Variants in NCOA2 observed in about 807,000 individuals in gnomAD.
The protein encoded by NCOA2 is nuclear receptor coactivator 2.
Under a neutral mutation model 145.1 loss-of-function variants are expected in NCOA2, and 21 were observed. The ratio of observed to expected loss-of-function variants is 0.14; its 90% CI spans 0.10 to 0.21. The LOEUF is 0.21. Among genes scored for constraint, NCOA2 ranks in the 10% least tolerant of loss-of-function variants. The pLI, the probability that NCOA2 is intolerant of heterozygous loss-of-function variation, is 1.00. For synonymous variants in NCOA2, 619 were observed against 637.5 expected (o/e 0.97, Z 0.44); for missense variants, 1,472 against 1,837.6 (o/e 0.80, Z 3.64).
At chr8:70,335,141 A>ATT (rs1807462926) in intron 1 of NCOA2, among the ~76,000 whole-genome samples, 1 of 148,494 alleles carries the variant, frequency 6.7e-6, no homozygotes, top group Non-Finnish European at 1.5e-5. Flanking sequence ...AAAAAAAAAA[A>ATT]AAAAAAAAAA....
intron 16 of NCOA2, among the ~76,000 whole-genome samples, chr8:70,131,449 G>A (rs1157162496): frequency 6.6e-6 from 1 of 152,164 alleles, no homozygotes; most frequent in Non-Finnish European, 1.5e-5. Flanking sequence ...AATGAATACT[G>A]GGGTCACGAC....
intron 1 of NCOA2, among the ~76,000 whole-genome samples, chr8:70,395,868 A>C (rs1274772981): frequency 3.3e-5 from 5 of 152,256 alleles, no homozygotes; most frequent in Non-Finnish European, 5.9e-5. Context: ...AATGAATAAT[A>C]GAAAATACCG....
At chr8:70,192,508 A>C (rs1332936457) in intron 4 of NCOA2, among the ~76,000 whole-genome samples, 2 of 152,136 alleles carry the variant, frequency 1.3e-5, no homozygotes, top group African/African-American at 4.8e-5. Context: ...CCCACCACCC[A>C]CGGGCCTGCC....
At chr8:70,137,052 C>T (rs1292203080) in intron 15 of NCOA2, among the ~76,000 whole-genome samples, 1 of 152,174 alleles carries the variant, frequency 6.6e-6, no homozygotes, top group Non-Finnish European at 1.5e-5. Context: ...AACATGCTGA[C>T]TCTATCACTG....
the NCOA2 span, among the ~76,000 whole-genome samples, chr8:70,437,791 T>C: frequency 6.6e-6 from 1 of 152,216 alleles, no homozygotes; most frequent in African/African-American, 2.4e-5. Flanking sequence ...GAAAAGGTAA[T>C]CATGATTAGT....
chr8:70,434,016 T>G, the NCOA2 span, among the ~76,000 whole-genome samples: 1 of 152,198 alleles, frequency 6.6e-6, no homozygotes, highest in Non-Finnish European at 1.5e-5. Context: ...CATTAGCATG[T>G]GTGTTGTCAT....
chr8:70,151,600 T>C (rs574852233), intron 11 of NCOA2, among the ~76,000 whole-genome samples: 1 of 152,302 alleles, frequency 6.6e-6, no homozygotes, highest in East Asian at 1.9e-4. Flanking sequence ...AATACATTTT[T>C]CTTAAGAAAG....
chr8:70,396,468 G>A (rs187701926), intron 1 of NCOA2, among the ~76,000 whole-genome samples: 224 of 152,228 alleles, frequency 1.5e-3, no homozygotes, highest in African/African-American at 4.9e-3. Flanking sequence ...ACAAGAACAG[G>A]GTTCTACCTC....
chr8:70,147,775 T>A lies in NCOA2; in HGVS notation c.2605+498A>T, dbSNP rs114212556. Among the ~76,000 whole-genome samples the A allele has an allele frequency of 5.9e-3, 892 of 152,328 alleles. 5 individuals carry two copies. The highest frequency in any genetic ancestry group is 0.02 in the African/African-American group (830 of 41,572). ...AAGATTTTTAATGTGTGTAGCCCTT[T>A]CATGTAAAAATACTTTTAGTAGAAT... On this transcript the variant is annotated intron_variant, in intron 12 of 22. Coordinates refer to ENST00000452400, the MANE Select transcript of NCOA2 (RefSeq NM_006540.4).
the NCOA2 span, among the ~76,000 whole-genome samples, chr8:70,418,720 G>A: frequency 6.6e-6 from 1 of 152,162 alleles, no homozygotes; most frequent in Non-Finnish European, 1.5e-5. Flanking sequence ...ATGCTTCTGT[G>A]AAAACTACTA....
chr8:70,240,335 A>G (rs1822018035), intron 2 of NCOA2, among the ~76,000 whole-genome samples: 1 of 152,226 alleles, frequency 6.6e-6, no homozygotes, highest in Admixed American at 6.5e-5. Flanking sequence ...TGGTATACAG[A>G]AACACCCTCA....
intron 1 of NCOA2, among the ~76,000 whole-genome samples, chr8:70,371,116 G>A (rs1373410252): frequency 9.2e-5 from 14 of 151,844 alleles, no homozygotes; most frequent in South Asian, 4.2e-4. Flanking sequence ...TGAAACCCCC[G>A]TCTCTACTAA....
chr8:70,157,221 T>C lies in NCOA2; in HGVS notation c.1144A>G (p.Met382Val), dbSNP rs373075061. Residue 382 changes from methionine to valine, a missense_variant, in exon 11 of 23, where the codon ATG (methionine) becomes GTG (valine). Physicochemically the swap from Met to Val is conservative, Grantham distance 21 (BLOSUM62 1). This residue lies in a region of NCOA2 where 953 missense variants were observed against 1,062.1 expected (regional missense o/e 0.90). Transcript: ENST00000452400. ...MLHREQNVCV[M>V]NPDLTGQTMG... ...GTTTGTCCAGTCAGATCCGGATTCATCACACACACATTCTGCTCTCTGTAT... is the reference window on the plus strand; with the variant it reads ...GTTTGTCCAGTCAGATCCGGATTCACCACACACACATTCTGCTCTCTGTAT... 122 of 1,560,442 alleles carry C rather than the reference T, an allele frequency of 7.8e-5. No homozygotes were observed. The African/African-American group carries it at 1.6e-3, about 21-fold the overall frequency.
chr8:70,207,681 T>C (rs768066934), intron 4 of NCOA2, among the ~76,000 whole-genome samples: 3 of 151,518 alleles, frequency 2.0e-5, no homozygotes, highest in Non-Finnish European at 4.4e-5. Flanking sequence ...CTGACCAACA[T>C]GGTGAAACCC....
At chr8:70,116,388 C>A (rs1216448132) in intron 22 of NCOA2, among the ~76,000 whole-genome samples, 1 of 151,874 alleles carries the variant, frequency 6.6e-6, no homozygotes, top group Admixed American at 6.6e-5. Context: ...CCTGTCTCTA[C>A]TAAAAATACA....
chr8:70,246,036 C>T (rs1002894634), intron 2 of NCOA2, among the ~76,000 whole-genome samples: 1 of 152,000 alleles, frequency 6.6e-6, no homozygotes, highest in Admixed American at 6.6e-5. Flanking sequence ...ATTCCCATGG[C>T]CAAAGCATCT....
chr8:70,424,421 G>A, the NCOA2 span: 98 of 448,364 alleles, frequency 2.2e-4, no homozygotes, highest in Non-Finnish European at 6.3e-5. Context: ...TGTGCTCTTG[G>A]TGAGGTTAGT....
At chr8:70,334,128 A>G (rs1807351906) in intron 1 of NCOA2, among the ~76,000 whole-genome samples, 1 of 152,188 alleles carries the variant, frequency 6.6e-6, no homozygotes, top group Non-Finnish European at 1.5e-5. Flanking sequence ...GAACTCAATC[A>G]AATTTTAACC....
chr8:70,180,213 G>C (rs538830306), intron 4 of NCOA2, among the ~76,000 whole-genome samples: 27 of 152,352 alleles, frequency 1.8e-4, no homozygotes, highest in African/African-American at 6.3e-4. Flanking sequence ...TTTTAGATCT[G>C]ATCAGTAGGA....
Sources: allele counts gnomAD v4.1 joint callset (sites outside exome capture counted in the v4.1 genomes callset), GRCh38; gene constraint gnomAD v4.1.1; regional missense constraint gnomAD v4.1.1; transcripts MANE v1.5; gene names NCBI Gene and HGNC (gene_info 2026-07-23, HGNC 2026-07-21).